Variants in XRCC4 observed in about 807,000 individuals in gnomAD.
XRCC4 encodes the protein X-ray repair cross complementing 4.
Under a neutral mutation model 39.1 loss-of-function variants are expected in XRCC4, and 28 were observed. The ratio of observed to expected loss-of-function variants is 0.72; its 90% CI spans 0.53 to 0.98. XRCC4 has a LOEUF of 0.98. XRCC4 is among the 50% of genes least tolerant of loss of function. XRCC4 has a pLI of 0.00. For missense variants in XRCC4, 350 were observed against 376.4 expected, an observed-to-expected ratio of 0.93 and a Z score of 0.58; for synonymous variants, 123 against 126.4, an observed-to-expected ratio of 0.97 and a Z score of 0.18.
rs186773210 is a variant in XRCC4, at chr5:83,307,898, C to A, written c.894-45233C>A. Among the ~76,000 whole-genome samples, 10 of 152,254 alleles carry A rather than the reference C, an allele frequency of 6.6e-5. No individual in the cohort carries two copies. In the South Asian group the frequency reaches 2.1e-3, roughly 32 times the overall value. Reference sequence around the variant, plus strand: ...GACGGAAAATTCCAGATGAAATAATCAAATAGCTTAGCGTTAACACTAAAT... The same window carrying A: ...GACGGAAAATTCCAGATGAAATAATAAAATAGCTTAGCGTTAACACTAAAT... On this transcript the variant is annotated intron_variant, in intron 7 of 7. Transcript: ENST00000396027.
intron 4 of XRCC4, among the ~76,000 whole-genome samples, chr5:83,198,733 AGTG>A (rs1212693660): frequency 6.6e-6 from 1 of 152,298 alleles, no homozygotes; most frequent in African/African-American, 2.4e-5. Context: ...ATAAGTAAAA[AGTG>A]TGAGCTTTAA....
intron 7 of XRCC4, among the ~76,000 whole-genome samples, chr5:83,298,855 G>C (rs2112994092): frequency 6.6e-6 from 1 of 151,910 alleles, no homozygotes; most frequent in African/African-American, 2.4e-5. Context: ...TTAAATGTTA[G>C]CTCCCTTAAC....
intron 7 of XRCC4, among the ~76,000 whole-genome samples, chr5:83,277,845 A>C (rs749822746): frequency 1.3e-5 from 2 of 152,212 alleles, no homozygotes; most frequent in Admixed American, 6.5e-5. Flanking sequence ...TAGGATAACT[A>C]TACATTCTTT....
intron 3 of XRCC4, among the ~76,000 whole-genome samples, chr5:83,152,842 A>G (rs2112558817): frequency 6.6e-6 from 1 of 152,286 alleles, no homozygotes; most frequent in Middle Eastern, 3.4e-3. Context: ...CAGTCGATCT[A>G]CAGTACAATA....
At chr5:83,272,936 A>G (rs972547863) in intron 7 of XRCC4, among the ~76,000 whole-genome samples, 1 of 152,202 alleles carries the variant, frequency 6.6e-6, no homozygotes, top group Admixed American at 6.5e-5. Context: ...CTTTGGGGAT[A>G]TACCCAGTAA....
intron 3 of XRCC4, among the ~76,000 whole-genome samples, chr5:83,187,353 A>G (rs891925701): frequency 6.6e-6 from 1 of 152,218 alleles, no homozygotes; most frequent in Admixed American, 6.5e-5. Context: ...ATGTGAATAC[A>G]TTGGGCTCAC....
At chr5:83,356,637 A>T (rs1212118366), downstream of XRCC4, 3 of 404,862 alleles carry the variant, frequency 7.4e-6, no homozygotes, top group East Asian at 2.3e-4. Flanking sequence ...TTCTTACCTT[A>T]TATAGACAGA....
chr5:83,125,053 T>C (rs1163638510), intron 3 of XRCC4, among the ~76,000 whole-genome samples: 2 of 152,246 alleles, frequency 1.3e-5, no homozygotes, highest in East Asian at 1.9e-4. Flanking sequence ...TGGTATCTTA[T>C]TGTGGCTTTA....
intron 3 of XRCC4, among the ~76,000 whole-genome samples, chr5:83,117,764 G>A (rs1202230535): frequency 6.6e-6 from 1 of 151,402 alleles, no homozygotes; most frequent in Non-Finnish European, 1.5e-5. Context: ...TAAGTTCTGG[G>A]ATACATGTGC....
intron 7 of XRCC4, among the ~76,000 whole-genome samples, chr5:83,260,844 G>C (rs28360238): frequency 6.6e-6 from 1 of 151,756 alleles, no homozygotes; most frequent in East Asian, 1.9e-4. Flanking sequence ...CTTTGGTAAC[G>C]GTCTGCTAAT....
At chr5:83,099,086 T>C (rs972301516) in intron 1 of XRCC4, among the ~76,000 whole-genome samples, 1 of 152,226 alleles carries the variant, frequency 6.6e-6, no homozygotes, top group Non-Finnish European at 1.5e-5. Flanking sequence ...AACAAAATAA[T>C]GTAACCAGGA....
intron 3 of XRCC4, among the ~76,000 whole-genome samples, chr5:83,129,969 T>A (rs1747481212): frequency 6.6e-6 from 1 of 152,124 alleles, no homozygotes; most frequent in Admixed American, 6.6e-5. Flanking sequence ...TTCCTTCTCC[T>A]GCCTAATTGC....
intron 7 of XRCC4, among the ~76,000 whole-genome samples, chr5:83,283,698 G>A (rs970445997): frequency 1.4e-4 from 21 of 152,196 alleles, no homozygotes; most frequent in African/African-American, 4.8e-4. Flanking sequence ...CATCTACAAG[G>A]AAGACATTAG....
intron 3 of XRCC4, among the ~76,000 whole-genome samples, chr5:83,155,414 A>G (rs76831019): frequency 0.015 from 2,303 of 152,332 alleles, 56 homozygotes; most frequent in African/African-American, 0.052. Context: ...AACTGCATAT[A>G]GTATTTACTA....
At chr5:83,155,135 T>C (rs1457189646) in intron 3 of XRCC4, among the ~76,000 whole-genome samples, 1 of 152,168 alleles carries the variant, frequency 6.6e-6, no homozygotes, top group East Asian at 1.9e-4. Context: ...ATAATCACAT[T>C]TGGAAAATTA....
intron 7 of XRCC4, among the ~76,000 whole-genome samples, chr5:83,346,436 C>A (rs894280290): frequency 6.6e-6 from 1 of 152,090 alleles, no homozygotes; most frequent in Non-Finnish European, 1.5e-5. Flanking sequence ...CGAACATATA[C>A]CTGAATGTTA....
At chr5:83,175,839 T>C (rs1199960363) in intron 3 of XRCC4, among the ~76,000 whole-genome samples, 2 of 151,990 alleles carry the variant, frequency 1.3e-5, no homozygotes, top group African/African-American at 2.4e-5. Context: ...GAACTCCTGA[T>C]CTCAGGTGAT....
intron 3 of XRCC4, among the ~76,000 whole-genome samples, chr5:83,179,334 G>A (rs3924238): frequency 0.063 from 9,607 of 152,154 alleles, 1,020 homozygotes; most frequent in East Asian, 0.48. Context: ...TGTAATAAGA[G>A]CATGTCTCTC....
At chr5:83,174,239 AT>A (rs1387016661) in intron 3 of XRCC4, among the ~76,000 whole-genome samples, 1 of 152,180 alleles carries the variant, frequency 6.6e-6, no homozygotes, top group African/African-American at 2.4e-5. Flanking sequence ...TAGTTAATTT[AT>A]TTTTAACCAT....
Sources: gnomAD v4.1 joint callset for allele counts (sites outside exome capture counted in the v4.1 genomes callset) on GRCh38, gnomAD v4.1.1 for gene constraint, MANE v1.5 for transcripts, NCBI Gene and HGNC (gene_info 2026-07-23, HGNC 2026-07-21) for gene names.